Variants in KMO observed in about 807,000 individuals in gnomAD.
KMO encodes kynurenine 3-monooxygenase.
In KMO, 24 loss-of-function variants were observed where a neutral mutation model predicts 57.8. The ratio of observed to expected loss-of-function variants is 0.42; its 90% confidence interval spans 0.30 to 0.58. KMO has a LOEUF of 0.58. Ranked by LOEUF, KMO falls within the 20% of genes least tolerant of loss-of-function variation. The probability of loss-of-function intolerance (pLI) is 0.22; values close to 1 mark genes in which losing one functional copy is unlikely to be tolerated. For synonymous variants in KMO, 210 were observed against 193.6 expected, an observed-to-expected ratio of 1.08 and a Z score of -0.70; for missense variants, 483 against 588.2, an observed-to-expected ratio of 0.82 and a Z score of 1.85.
At chr1:241,585,856 T>C (rs759566597) in intron 10 of KMO, among the ~76,000 whole-genome samples, 1 of 152,042 alleles carries the variant, frequency 6.6e-6, no homozygotes, top group Non-Finnish European at 1.5e-5. Context: ...AAACATTGTT[T>C]TCAATTCTCC....
At chr1:241,567,451 C>T (rs1188134032) in intron 9 of KMO, among the ~76,000 whole-genome samples, 1 of 152,144 alleles carries the variant, frequency 6.6e-6, no homozygotes, top group Non-Finnish European at 1.5e-5. Flanking sequence ...GGGGTCCACT[C>T]CCAAGACCTA....
intron 10 of KMO, among the ~76,000 whole-genome samples, chr1:241,581,144 C>G (rs960559220): frequency 6.6e-6 from 1 of 152,084 alleles, no homozygotes; most frequent in Non-Finnish European, 1.5e-5. Context: ...AGTATAGCAA[C>G]TCCTGCTCTT....
intron 1 of KMO, among the ~76,000 whole-genome samples, chr1:241,547,932 CAA>C (rs960456497): frequency 1.3e-5 from 2 of 152,020 alleles, no homozygotes; most frequent in Non-Finnish European, 2.9e-5. Context: ...AGAAACAACT[CAA>C]GTGTCCTTTG....
intron 4 of KMO, among the ~76,000 whole-genome samples, chr1:241,552,034 C>G (rs950835977): frequency 2.6e-5 from 4 of 152,108 alleles, no homozygotes; most frequent in Non-Finnish European, 5.9e-5. Flanking sequence ...CATAGCCGCC[C>G]CCGCTTCAGA....
At chr1:241,583,083 A>G (rs1334707225) in intron 10 of KMO, among the ~76,000 whole-genome samples, 1 of 152,160 alleles carries the variant, frequency 6.6e-6, no homozygotes, top group Non-Finnish European at 1.5e-5. Flanking sequence ...TCCTAAAGGG[A>G]GAATTCCTTG....
At chr1:241,549,240 A>G (rs1435290001) in intron 2 of KMO, among the ~76,000 whole-genome samples, 2 of 16,244 alleles carry the variant, frequency 1.2e-4, no homozygotes, top group African/African-American at 2.4e-4. Flanking sequence ...AAAGAAAGAA[A>G]GAAAGAAAGA....
chr1:241,558,842 G>A (rs1191651442), intron 5 of KMO, among the ~76,000 whole-genome samples: 1 of 151,868 alleles, frequency 6.6e-6, no homozygotes, highest in East Asian at 1.9e-4. Flanking sequence ...GCCAGGCGCA[G>A]TGGCTCACAC....
intron 1 of KMO, among the ~76,000 whole-genome samples, chr1:241,545,529 C>T (rs1661114181): frequency 6.6e-6 from 1 of 152,088 alleles, no homozygotes; most frequent in Non-Finnish European, 1.5e-5. Flanking sequence ...ATCATCTTTC[C>T]TCAATGCGTG....
chr1:241,536,278 A>C (rs192986354), intron 1 of KMO, among the ~76,000 whole-genome samples: 2,128 of 152,322 alleles, frequency 0.014, 60 homozygotes, highest in African/African-American at 0.048. Context: ...TTACAAAAAA[A>C]CTGCCATACA....
At chr1:241,579,484 A>G (rs1300459910) in intron 10 of KMO, among the ~76,000 whole-genome samples, 1 of 152,120 alleles carries the variant, frequency 6.6e-6, no homozygotes, top group Non-Finnish European at 1.5e-5. Context: ...GGATGAGGAC[A>G]ACTGCCTCTG....
At chr1:241,565,446 C>T (rs113579991) in intron 8 of KMO, among the ~76,000 whole-genome samples, 2,464 of 151,486 alleles carry the variant, frequency 0.016, 23 homozygotes, top group Middle Eastern at 0.041. Flanking sequence ...TGGGGATGGG[C>T]GCAGCGGCTC....
chr1:241,588,491 A>G (rs1017232112), intron 11 of KMO, among the ~76,000 whole-genome samples: 5 of 151,996 alleles, frequency 3.3e-5, no homozygotes, highest in African/African-American at 4.8e-5. Context: ...CACACTGTCA[A>G]CGCTGGTTTG....
At chr1:241,544,613 A>G (rs1661078494) in intron 1 of KMO, among the ~76,000 whole-genome samples, 1 of 152,222 alleles carries the variant, frequency 6.6e-6, no homozygotes, top group Non-Finnish European at 1.5e-5. Flanking sequence ...CCATCTTTGA[A>G]AAATACAATT....
At chr1:241,555,094 A>T (rs1336758806) in intron 4 of KMO, among the ~76,000 whole-genome samples, 2 of 152,102 alleles carry the variant, frequency 1.3e-5, no homozygotes, top group Non-Finnish European at 2.9e-5. Flanking sequence ...CACATGTTCC[A>T]TGCAAGGACT....
At chr1:241,590,528 C>CAAGATGT (rs1294421635) in intron 14 of KMO, among the ~76,000 whole-genome samples, 1 of 152,144 alleles carries the variant, frequency 6.6e-6, no homozygotes, top group Non-Finnish European at 1.5e-5. Flanking sequence ...TTTATTTTAG[C>CAAGATGT]AAGATGTACT....
chr1:241,583,182 G>A (rs1662824939), intron 10 of KMO, among the ~76,000 whole-genome samples: 1 of 151,594 alleles, frequency 6.6e-6, no homozygotes, highest in Non-Finnish European at 1.5e-5. Flanking sequence ...CCTGGAGTTG[G>A]GGGAGGAGTG....
At chr1:241,577,648 C>T (rs1405623342) in intron 10 of KMO, among the ~76,000 whole-genome samples, 1 of 152,084 alleles carries the variant, frequency 6.6e-6, no homozygotes, top group African/African-American at 2.4e-5. Context: ...AGGCTCATCT[C>T]GTTTCCCATG....
chr1:241,549,290 GAGAAAGAGCA>G (rs1235519184), intron 2 of KMO, among the ~76,000 whole-genome samples: 27 of 139,002 alleles, frequency 1.9e-4, no homozygotes, highest in African/African-American at 7.3e-4. Context: ...AGAAAGAAAG[GAGAAAGAGCA>G]AGAAAGAAAG....
intron 1 of KMO, among the ~76,000 whole-genome samples, chr1:241,539,862 C>T (rs1573901719): frequency 1.3e-5 from 2 of 152,032 alleles, no homozygotes; most frequent in African/African-American, 4.8e-5. Flanking sequence ...CTTTGGTGGG[C>T]CATTTCATTA....
Sources: allele counts gnomAD v4.1 joint callset (sites outside exome capture counted in the v4.1 genomes callset), GRCh38; gene constraint gnomAD v4.1.1; transcripts MANE v1.5; gene names NCBI Gene and HGNC (gene_info 2026-07-23, HGNC 2026-07-21).